RHOBTB1: variants seen among roughly 807,000 people sequenced by gnomAD.
RHOBTB1 encodes the protein Rho related BTB domain containing 1.
In RHOBTB1, 40 loss-of-function variants were observed where a neutral mutation model predicts 71.6. The ratio of observed to expected loss-of-function variants is 0.56; its 90% CI spans 0.43 to 0.73. RHOBTB1 has a LOEUF of 0.73. Ranked by LOEUF, RHOBTB1 falls within the 30% of genes least tolerant of loss-of-function variation. The pLI is 0.00. For synonymous variants in RHOBTB1, 319 were observed against 334.9 expected, an observed-to-expected ratio of 0.95 and a Z score of 0.52; for missense variants, 797 against 894.0, an observed-to-expected ratio of 0.89 and a Z score of 1.38.
At chr10:60,916,403 C>A (rs1308962229) in intron 2 of RHOBTB1, among the ~76,000 whole-genome samples, 1 of 152,164 alleles carries the variant, frequency 6.6e-6, no homozygotes, top group Non-Finnish European at 1.5e-5. Context: ...TATGAATGAG[C>A]CCAGGTGAAA....
At chr10:60,990,276 C>A (rs2134946843) in intron 1 of RHOBTB1, among the ~76,000 whole-genome samples, 1 of 152,224 alleles carries the variant, frequency 6.6e-6, no homozygotes. Context: ...AGCCACCGTG[C>A]CCGGCCAACC....
intron 2 of RHOBTB1, among the ~76,000 whole-genome samples, chr10:60,970,656 C>A (rs2086121611): frequency 6.6e-6 from 1 of 152,002 alleles, no homozygotes; most frequent in Non-Finnish European, 1.5e-5. Context: ...AGAAACGTTA[C>A]CAAACAACAT....
intron 2 of RHOBTB1, among the ~76,000 whole-genome samples, chr10:60,968,660 A>G (rs757275414): frequency 1.3e-5 from 2 of 152,182 alleles, no homozygotes; most frequent in Admixed American, 1.3e-4. Flanking sequence ...AAACCTACAT[A>G]TAAGTAAGCC....
intron 4 of RHOBTB1, among the ~76,000 whole-genome samples, chr10:60,907,415 AG>A (rs1417717540): frequency 6.6e-6 from 1 of 152,216 alleles, no homozygotes; most frequent in Non-Finnish European, 1.5e-5. Flanking sequence ...AGCTGATCAA[AG>A]TCATGGTTAC....
intron 2 of RHOBTB1, among the ~76,000 whole-genome samples, chr10:60,983,417 A>G (rs1034674179): frequency 6.6e-6 from 1 of 152,216 alleles, no homozygotes; most frequent in Non-Finnish European, 1.5e-5. Context: ...GTTATAGTAT[A>G]ATCCCATGTT....
intron 9 of RHOBTB1, among the ~76,000 whole-genome samples, chr10:60,873,991 C>T (rs758864619): frequency 3.5e-4 from 54 of 152,340 alleles, no homozygotes; most frequent in Middle Eastern, 3.4e-3. Context: ...CCCTTTTGCA[C>T]CAGAGCAATC....
chr10:60,934,696 G>T (rs2084468589), intron 2 of RHOBTB1, among the ~76,000 whole-genome samples: 1 of 152,156 alleles, frequency 6.6e-6, no homozygotes, highest in Non-Finnish European at 1.5e-5. Flanking sequence ...GCCAAATTTA[G>T]CCTTTGGCTC....
the RHOBTB1 span, among the ~76,000 whole-genome samples, chr10:60,861,648 A>G: frequency 6.9e-6 from 1 of 145,440 alleles, no homozygotes; most frequent in Non-Finnish European, 1.5e-5. Flanking sequence ...GTCAAGAAGA[A>G]CATCCCGTTG....
At chr10:60,995,858 T>C (rs2087030410) in intron 1 of RHOBTB1, among the ~76,000 whole-genome samples, 1 of 151,786 alleles carries the variant, frequency 6.6e-6, no homozygotes, top group African/African-American at 2.4e-5. Flanking sequence ...AAAAAAAAAA[T>C]CAGGTTCAAG....
intron 8 of RHOBTB1, among the ~76,000 whole-genome samples, chr10:60,876,928 T>C (rs1300470115): frequency 1.3e-5 from 2 of 152,242 alleles, no homozygotes; most frequent in Non-Finnish European, 2.9e-5. Context: ...TCTTCATTCA[T>C]TCAATTGTTC....
intron 2 of RHOBTB1, among the ~76,000 whole-genome samples, chr10:60,974,796 G>A (rs1045771711): frequency 2.6e-5 from 4 of 152,102 alleles, no homozygotes; most frequent in African/African-American, 9.7e-5. Flanking sequence ...ACCTGCAGAA[G>A]AGACTTTATT....
chr10:60,867,349 G>A (rs777630640), downstream of RHOBTB1, among the ~76,000 whole-genome samples: 36 of 152,230 alleles, frequency 2.4e-4, no homozygotes, highest in East Asian at 1.5e-3. Flanking sequence ...TGTCCTCATC[G>A]ATTGCCTGTA....
chr10:60,897,774 T>C (rs1209903452), intron 4 of RHOBTB1, among the ~76,000 whole-genome samples: 1 of 152,156 alleles, frequency 6.6e-6, no homozygotes, highest in African/African-American at 2.4e-5. Flanking sequence ...TGGCTCAATC[T>C]CGGCTCACTG....
chr10:60,983,639 A>G (rs1300700473), intron 2 of RHOBTB1, among the ~76,000 whole-genome samples: 1 of 152,194 alleles, frequency 6.6e-6, no homozygotes, highest in Non-Finnish European at 1.5e-5. Context: ...TGCAAAGAGG[A>G]ATACACCTAG....
chr10:60,945,159 C>G (rs757879521), upstream of RHOBTB1, among the ~76,000 whole-genome samples: 1 of 152,210 alleles, frequency 6.6e-6, no homozygotes, highest in Non-Finnish European at 1.5e-5. Flanking sequence ...GGGTGCCTGC[C>G]ATCAGGGAGC....
intron 1 of RHOBTB1, among the ~76,000 whole-genome samples, chr10:60,991,469 C>T (rs1377963218): frequency 6.9e-6 from 1 of 145,854 alleles, no homozygotes; most frequent in Non-Finnish European, 1.5e-5. Context: ...CTTGCTCTGT[C>T]ACGCAGGCTG....
At chr10:60,998,795 G>C (rs1283755260) in intron 1 of RHOBTB1, among the ~76,000 whole-genome samples, 1 of 152,176 alleles carries the variant, frequency 6.6e-6, no homozygotes, top group African/African-American at 2.4e-5. Flanking sequence ...ACTTCTCTGA[G>C]GTCAAATGGC....
chr10:60,956,194 C>T (rs2085586707), intron 2 of RHOBTB1, among the ~76,000 whole-genome samples: 1 of 152,058 alleles, frequency 6.6e-6, no homozygotes, highest in Non-Finnish European at 1.5e-5. Context: ...ATCCTGTAGG[C>T]AATTGTAACA....
At chr10:60,956,213 A>T (rs2085587197) in intron 2 of RHOBTB1, among the ~76,000 whole-genome samples, 1 of 152,216 alleles carries the variant, frequency 6.6e-6, no homozygotes, top group African/African-American at 2.4e-5. Flanking sequence ...CACAATGATC[A>T]GTATTTGTGT....
Sources: allele counts gnomAD v4.1 joint callset (sites outside exome capture counted in the v4.1 genomes callset), GRCh38; gene constraint gnomAD v4.1.1; transcripts MANE v1.5; gene names NCBI Gene and HGNC (gene_info 2026-07-23, HGNC 2026-07-21).